Variants in PCDHA4 observed in about 807,000 individuals in gnomAD.
PCDHA4 encodes the protein protocadherin alpha 4.
A neutral mutation model predicts 61.4 loss-of-function variants in PCDHA4; 49 were observed. The ratio of observed to expected loss-of-function variants is 0.80; its 90% CI spans 0.63 to 1.01. The LOEUF is 1.01. Among genes scored for constraint, PCDHA4 ranks in the 50% least tolerant of loss-of-function variants. The probability of loss-of-function intolerance (pLI) is 0.00; values close to 1 mark genes in which losing one functional copy is unlikely to be tolerated. For missense variants in PCDHA4, 1,254 were observed against 1,235.8 expected (o/e 1.01, Z -0.22); for synonymous variants, 590 against 550.3 (o/e 1.07, Z -1.01).
intron 1 of PCDHA4, chr5:140,824,407 A>G (rs1768108209): frequency 1.9e-6 from 1 of 536,144 alleles, no homozygotes; most frequent in East Asian, 3.1e-5. Context: ...TAATTGTAAG[A>G]CATAGTTTGG....
At chr5:140,863,138 T>C (rs781967810) in intron 1 of PCDHA4, 2 of 604,914 alleles carry the variant, frequency 3.3e-6, no homozygotes, top group Non-Finnish European at 6.4e-6. Context: ...CGCCTGCTGG[T>C]GCTGGTGAAG....
chr5:140,974,605 G>T (rs2096633635), intron 1 of PCDHA4, among the ~76,000 whole-genome samples: 1 of 152,088 alleles, frequency 6.6e-6, no homozygotes, highest in Non-Finnish European at 1.5e-5. Context: ...TCTGCCTCCA[G>T]GGTTCAAGCG....
At chr5:140,943,717 T>A (rs1269511670) in intron 1 of PCDHA4, among the ~76,000 whole-genome samples, 1 of 152,108 alleles carries the variant, frequency 6.6e-6, no homozygotes, top group Non-Finnish European at 1.5e-5. Context: ...CATTTAAAGG[T>A]CTGAGAGAAT....
chr5:140,941,862 T>G (rs1007783083), intron 1 of PCDHA4, among the ~76,000 whole-genome samples: 33 of 152,238 alleles, frequency 2.2e-4, no homozygotes, highest in African/African-American at 7.7e-4. Context: ...TTCCCTATCA[T>G]AGAGTTCTAT....
chr5:140,908,307 C>T (rs782169692), intron 1 of PCDHA4, among the ~76,000 whole-genome samples: 43 of 152,180 alleles, frequency 2.8e-4, no homozygotes, highest in Non-Finnish European at 1.3e-4. Context: ...GAAGGAAGGG[C>T]GGCAGGAGTG....
intron 1 of PCDHA4, chr5:140,877,083 G>T: frequency 6.2e-7 from 1 of 1,613,166 alleles, no homozygotes; most frequent in Non-Finnish European, 8.5e-7. Context: ...AGGTGAGCGC[G>T]CGCGACGCCG....
intron 3 of PCDHA4, among the ~76,000 whole-genome samples, chr5:141,006,214 TTA>T (rs2098261511): frequency 6.6e-6 from 1 of 152,046 alleles, no homozygotes; most frequent in South Asian, 2.1e-4. Flanking sequence ...TCATTTTTTT[TTA>T]AATTTTTTAT....
intron 1 of PCDHA4, chr5:140,858,620 C>T (rs570456010): frequency 8.8e-7 from 1 of 1,142,316 alleles, no homozygotes; most frequent in Non-Finnish European, 1.2e-6. Context: ...TTATCCTACC[C>T]AGTGTGTCAG....
chr5:140,993,539 T>C (rs1433781690), intron 3 of PCDHA4, among the ~76,000 whole-genome samples: 7 of 128,018 alleles, frequency 5.5e-5, no homozygotes, highest in Non-Finnish European at 1.0e-4. Flanking sequence ...GAGAGAGAGA[T>C]AGAGAAGTGA....
intron 1 of PCDHA4, among the ~76,000 whole-genome samples, chr5:140,897,713 A>C (rs2066278692): frequency 1.3e-5 from 2 of 152,302 alleles, no homozygotes; most frequent in East Asian, 3.9e-4. Flanking sequence ...CAGTAATGGG[A>C]TGGCTGGGTC....
chr5:140,995,861 A>G (rs2097700846), intron 3 of PCDHA4, among the ~76,000 whole-genome samples: 1 of 152,220 alleles, frequency 6.6e-6, no homozygotes. Context: ...GTATCACTTA[A>G]TAATTGTGCA....
At chr5:140,870,248 G>T in intron 1 of PCDHA4, 1 of 1,614,190 alleles carries the variant, frequency 6.2e-7, no homozygotes, top group South Asian at 1.1e-5. Context: ...GGTGTCAACG[G>T]ACAGGTGACC....
intron 1 of PCDHA4, among the ~76,000 whole-genome samples, chr5:140,963,787 A>G (rs155812): frequency 0.31 from 47,834 of 152,128 alleles, 7,882 homozygotes; most frequent in East Asian, 0.53. Context: ...AACAACAACA[A>G]TAATGTACTT....
chr5:140,877,028 C>T (rs367864661), intron 1 of PCDHA4: 1 of 1,612,352 alleles, frequency 6.2e-7, no homozygotes, highest in Non-Finnish European at 8.5e-7. Flanking sequence ...AAGGTGTACG[C>T]GCTGCAGCCG....
At chr5:140,978,672 G>C (rs2096816199) in intron 1 of PCDHA4, among the ~76,000 whole-genome samples, 1 of 152,256 alleles carries the variant, frequency 6.6e-6, no homozygotes, top group African/African-American at 2.4e-5. Context: ...TAAGAACACA[G>C]ACATGTATTG....
At chr5:140,885,176 G>A (rs965470861) in intron 1 of PCDHA4, among the ~76,000 whole-genome samples, 1 of 151,510 alleles carries the variant, frequency 6.6e-6, no homozygotes. Context: ...TGTCCTCTAG[G>A]CACATCAGTG....
chr5:140,973,126 T>C (rs1554234908), intron 1 of PCDHA4, among the ~76,000 whole-genome samples: 1 of 152,144 alleles, frequency 6.6e-6, no homozygotes, highest in Non-Finnish European at 1.5e-5. Flanking sequence ...ATGAATTAAG[T>C]TTGCATTCAC....
chr5:140,824,173 A>G, intron 1 of PCDHA4: 2 of 1,610,342 alleles, frequency 1.2e-6, no homozygotes, highest in Non-Finnish European at 1.7e-6. Flanking sequence ...CCAATTTTCA[A>G]ATATTAAATG....
At chr5:140,851,245 A>G (rs2042003165) in intron 1 of PCDHA4, 2 of 1,104,800 alleles carry the variant, frequency 1.8e-6, no homozygotes, top group Non-Finnish European at 2.3e-6. Flanking sequence ...TTGCTAAATG[A>G]TGCATAGTAT....
Sources: allele counts gnomAD v4.1 joint callset (sites outside exome capture counted in the v4.1 genomes callset), GRCh38; gene constraint gnomAD v4.1.1; transcripts MANE v1.5; gene names NCBI Gene and HGNC (gene_info 2026-07-23, HGNC 2026-07-21).